The following ARAP1 variants were observed in gnomAD, a reference collection of about 807,000 sequenced individuals.
The protein encoded by ARAP1 is ArfGAP with RhoGAP domain, ankyrin repeat and PH domain 1.
A neutral mutation model predicts 172.2 loss-of-function variants in ARAP1; 76 were observed. That is an observed-to-expected ratio of 0.44 (90% CI 0.37 to 0.53). The LOEUF (loss-of-function observed/expected upper bound fraction) is 0.53, where lower values mean the gene tolerates loss of function less well. Among genes scored for constraint, ARAP1 ranks in the 20% least tolerant of loss-of-function variants. ARAP1 has a pLI of 0.00. For synonymous variants in ARAP1, 804 were observed against 803.3 expected (o/e 1.00, Z -0.01); for missense variants, 1,686 against 1,977.5 (o/e 0.85, Z 2.80).
chr11:72,716,660 A>G (rs1857286174), intron 3 of ARAP1, among the ~76,000 whole-genome samples: 1 of 152,262 alleles, frequency 6.6e-6, no homozygotes, highest in African/African-American at 2.4e-5. Context: ...CCCCTTAGGT[A>G]AGAGCTTTCA....
chr11:72,735,075 G>A (rs1235486316), intron 1 of ARAP1, among the ~76,000 whole-genome samples: 1 of 151,896 alleles, frequency 6.6e-6, no homozygotes, highest in African/African-American at 2.4e-5. Flanking sequence ...CTGCCTCTTG[G>A]GCCCAAGCAA....
chr11:72,686,759 G>A (rs1855705974), intron 33 of ARAP1, among the ~76,000 whole-genome samples: 1 of 152,058 alleles, frequency 6.6e-6, no homozygotes, highest in African/African-American at 2.4e-5. Context: ...GCTCACCTCT[G>A]GGTTCTACCC....
Position 72,696,616 on chromosome 11 carries a change from C to T in ARAP1, c.3205G>A (p.Glu1069Lys), listed in dbSNP as rs1195824068. The T allele has an allele frequency of 1.9e-6, 3 of 1,606,564 alleles. No individual in the cohort carries two copies. The highest frequency in any genetic ancestry group is 2.6e-6 in the Non-Finnish European group (3 of 1,175,082). Residue 1069 changes from glutamate (E) to lysine (K), a missense_variant, in exon 23 of 35, where the codon GAG becomes AAG. By Grantham distance (56) the Glu-to-Lys change is moderately conservative (BLOSUM62 1). Around this residue, in one of 5 missense-constraint regions of ARAP1, gnomAD observed 274 missense variants for 262.7 expected, o/e 1.04. Transcript: ENST00000393609. ...DEEEKVSRYR[E>K]LLVRLPPVNR... Reference sequence around the variant, plus strand: ...ACAGGGGGCAGCCGCACCAGCAGCTCTCGGTACCTGGAGACCTTCTCCTCC... The same window carrying T: ...ACAGGGGGCAGCCGCACCAGCAGCTTTCGGTACCTGGAGACCTTCTCCTCC...
In ARAP1 at chr11:72,739,177, G is replaced by A. The variant is rs549479645; in HGVS notation, c.-127-6580C>T. Reference sequence around the variant, plus strand: ...ACAGCCTTCGAGTGGGCAGCTGACCGATCTCTGGGCCAAGCAGCCTATTTT... The same window carrying A: ...ACAGCCTTCGAGTGGGCAGCTGACCAATCTCTGGGCCAAGCAGCCTATTTT... On this transcript the variant is annotated intron_variant, in intron 1 of 34. Transcript: ENST00000393609. Among the ~76,000 whole-genome samples the A allele has an allele frequency of 5.9e-5, 9 of 152,272 alleles. No individual in the cohort carries two copies. The East Asian group carries it at 9.7e-4, about 16-fold the overall frequency.
intron 32 of ARAP1, 65 bp from the exon 33 acceptor site, chr11:72,687,567 G>T: frequency 6.2e-7 from 1 of 1,613,104 alleles, no homozygotes; most frequent in African/African-American, 1.3e-5. Flanking sequence ...CACCGTGTCT[G>T]CCTTCCCAGC....
intron 1 of ARAP1, among the ~76,000 whole-genome samples, chr11:72,737,569 C>T (rs1321010541): frequency 6.6e-6 from 1 of 152,112 alleles, no homozygotes; most frequent in Admixed American, 6.5e-5. Context: ...CCTAAATGCA[C>T]ACCATTTGGC....
chr11:72,722,656 G>A (rs1378725709), intron 3 of ARAP1, among the ~76,000 whole-genome samples: 1 of 152,236 alleles, frequency 6.6e-6, no homozygotes. Context: ...AAGGGCACAG[G>A]AGGGAAGCCT....
rs577140059 is a variant in ARAP1 at position 72,698,680 on chromosome 11, G to A, written c.2541+325C>T. Among the ~76,000 whole-genome samples, 4 of 152,292 alleles carry A rather than the reference G, an allele frequency of 2.6e-5. No homozygotes were observed. In the East Asian group the frequency reaches 7.7e-4, roughly 29 times the overall value. ...TCCAGCCTCTGCTTGCTCGCCTCCA[G>A]GAACGAGGAGCACACCCCCTCTGGA... On this transcript the variant is annotated intron_variant, in intron 18 of 34. Transcript: ENST00000393609.
intron 12 of ARAP1, among the ~76,000 whole-genome samples, chr11:72,706,451 G>A (rs1173821197): frequency 3.3e-5 from 5 of 151,924 alleles, no homozygotes; most frequent in Non-Finnish European, 5.9e-5. Context: ...CCTGGGCTAC[G>A]TCAGCTCCCA....
At chr11:72,692,971 G>T in intron 29 of ARAP1, 186 bp from the exon 30 acceptor site, 1 of 743,866 alleles carries the variant, frequency 1.3e-6, no homozygotes, top group Non-Finnish European at 2.3e-6. Context: ...GGTGGCCCGG[G>T]AGGCATATGA....
At chr11:72,718,267 G>A (rs1857366022) in intron 3 of ARAP1, among the ~76,000 whole-genome samples, 1 of 152,004 alleles carries the variant, frequency 6.6e-6, no homozygotes, top group Non-Finnish European at 1.5e-5. Flanking sequence ...AAAAGGCAGT[G>A]ACCCCCTACC....
chr11:72,689,757 T>A lies in ARAP1; in HGVS notation c.3988-1220A>T, dbSNP rs191014977. ...CTTCTACAGACAGCACCTAACCTGATGATGGCCATGTGCCCAGGAGGGCCT... is the reference window on the plus strand; with the variant it reads ...CTTCTACAGACAGCACCTAACCTGAAGATGGCCATGTGCCCAGGAGGGCCT... On this transcript the variant is annotated intron_variant, in intron 30 of 34. Transcript: ENST00000393609. Among the ~76,000 whole-genome samples the A allele has an allele frequency of 1.3e-4, 20 of 152,314 alleles. No homozygotes were observed. The East Asian group carries it at 3.9e-3, about 29-fold the overall frequency.
intron 1 of ARAP1, among the ~76,000 whole-genome samples, chr11:72,740,430 T>C (rs1481109871): frequency 6.6e-6 from 1 of 152,232 alleles, no homozygotes; most frequent in Non-Finnish European, 1.5e-5. Flanking sequence ...CCTTCATGTC[T>C]GCACTGTTTC....
intron 3 of ARAP1, 36 bp from the exon 4 acceptor site, chr11:72,714,357 A>G (rs1231555436): frequency 6.5e-7 from 1 of 1,536,904 alleles, no homozygotes; most frequent in South Asian, 1.2e-5. Flanking sequence ...TCACTAAGCA[A>G]CAGAGCCAAG....
intron 27 of ARAP1, 127 bp downstream of exon 27, chr11:72,694,853 C>T: frequency 1.3e-6 from 1 of 767,546 alleles, no homozygotes; most frequent in Non-Finnish European, 2.1e-6. Context: ...ATCAGTGTGA[C>T]AGCAACATGT....
chr11:72,703,418 G>GGGGGGGGGGGGGGGGGGC, intron 14 of ARAP1: 1 of 147,986 alleles, frequency 6.8e-6, no homozygotes, highest in Non-Finnish European at 1.4e-5. Flanking sequence ...CGGGGGGGGG[G>GGGGGGGGGGGGGGGGGGC]TGTGCTTTGT....
In ARAP1 at chr11:72,698,030, C is replaced by T; in HGVS notation, c.2618G>A (p.Gly873Asp). The change falls in exon 19 of 35, where the codon GGC becomes GAC. Residue 873 changes from glycine to aspartate, a missense_variant. Around this residue, in one of 5 missense-constraint regions of ARAP1, gnomAD observed 688 missense variants for 856.9 expected, o/e 0.80. Coordinates refer to ENST00000393609, the MANE Select transcript of ARAP1 (RefSeq NM_001040118.3). Reference sequence around the variant, plus strand: ...CTCCTGGGCCCGCTGTAGGCTCAGGCCAGCTTTGTAGGGTAGGCGTCCCAG... The same window carrying T: ...CTCCTGGGCCCGCTGTAGGCTCAGGTCAGCTTTGTAGGGTAGGCGTCCCAG... ...ERLGRLPYKA[G>D]LSLQRAQEGW... is the part of the protein sequence containing the mutation. 1 of 1,609,586 alleles carries T rather than the reference C, an allele frequency of 6.2e-7. No homozygotes were observed. The highest frequency in any genetic ancestry group is 8.5e-7 in the Non-Finnish European group (1 of 1,178,346).
At position 72,695,464 on chromosome 11, in the gene ARAP1, A is replaced by G. The variant is rs757643978; in HGVS notation, c.3508-9T>C. 6.2e-7 allele frequency: 1 copy of G among 1,614,214 alleles called. No homozygotes were observed. Among genetic ancestry groups the G allele is most frequent in the Admixed American group, 1.7e-5 (1 of 60,026 alleles). On this transcript the variant is annotated splice_polypyrimidine_tract_variant and intron_variant, in intron 25 of 34. Coordinates refer to ENST00000393609, the MANE Select transcript of ARAP1 (RefSeq NM_001040118.3). This position sits in a 1 kb window ranked among gnomAD's most constrained non-coding sequence, Gnocchi z 4.4. ...ATGAAGTCACCGGCATGCTGCAGGG[A>G]GACAGGGCTCAGCTGGGGGCCTAGG...
chr11:72,720,392 T>C (rs1857458824), intron 3 of ARAP1, among the ~76,000 whole-genome samples: 1 of 152,156 alleles, frequency 6.6e-6, no homozygotes, highest in Non-Finnish European at 1.5e-5. Context: ...TCTGTTCACT[T>C]CTGCCTAGCC....
Sources: allele counts gnomAD v4.1 joint callset (sites outside exome capture counted in the v4.1 genomes callset), GRCh38; gene constraint gnomAD v4.1.1; regional missense constraint gnomAD v4.1.1; non-coding constraint Gnocchi (gnomAD v3.1); transcripts MANE v1.5; gene names NCBI Gene and HGNC (gene_info 2026-07-23, HGNC 2026-07-21).